ARSB: variants seen among roughly 807,000 people sequenced by gnomAD.
ARSB encodes the protein arylsulfatase B.
ARSB carries 41 observed loss-of-function variants against 50.9 expected under a neutral mutation model. That is an observed-to-expected ratio of 0.81 (90% confidence interval 0.63 to 1.04). The LOEUF (loss-of-function observed/expected upper bound fraction) is 1.04, where lower values mean the gene tolerates loss of function less well. Among genes scored for constraint, ARSB ranks in the 50% least tolerant of loss-of-function variants. ARSB has a pLI of 0.00. For missense variants in ARSB, 672 were observed against 693.3 expected (o/e 0.97, Z 0.35); for synonymous variants, 269 against 284.8 (o/e 0.94, Z 0.56).
intron 4 of ARSB, among the ~76,000 whole-genome samples, chr5:78,897,120 C>T (rs1052148184): frequency 2.0e-5 from 3 of 151,880 alleles, no homozygotes; most frequent in Non-Finnish European, 2.9e-5. Context: ...TATATTAAAA[C>T]CACGCAAAAA....
At chr5:78,816,529 G>T (rs1743999315) in intron 6 of ARSB, among the ~76,000 whole-genome samples, 1 of 152,186 alleles carries the variant, frequency 6.6e-6, no homozygotes, top group Non-Finnish European at 1.5e-5. Context: ...TTACTCCTGA[G>T]ATTATGTTAT....
At chr5:78,925,222 TCTTG>T (rs1379508195) in intron 4 of ARSB, among the ~76,000 whole-genome samples, 2 of 152,194 alleles carry the variant, frequency 1.3e-5, no homozygotes, top group Non-Finnish European at 2.9e-5. Flanking sequence ...TAAAAAGTGA[TCTTG>T]CTTAAGTCCC....
At chr5:78,935,417 G>T (rs1353609488) in intron 4 of ARSB, among the ~76,000 whole-genome samples, 1 of 152,180 alleles carries the variant, frequency 6.6e-6, no homozygotes, top group African/African-American at 2.4e-5. Context: ...ATTGAATTAG[G>T]AAATAAGCCA....
chr5:78,941,221 CA>C (rs1318976120), intron 4 of ARSB, among the ~76,000 whole-genome samples: 3 of 151,264 alleles, frequency 2.0e-5, no homozygotes, highest in Non-Finnish European at 3.0e-5. Flanking sequence ...ACAATCATGT[CA>C]TCTGCAAACA....
chr5:78,847,332 G>T (rs1359408573), intron 5 of ARSB, among the ~76,000 whole-genome samples: 1 of 152,008 alleles, frequency 6.6e-6, no homozygotes, highest in Admixed American at 6.6e-5. Flanking sequence ...TCCCTCTGCT[G>T]CCCAGGCTGG....
Position 78,904,931 on chromosome 5 carries a change from C to G in ARSB, c.899-19104G>C, listed in dbSNP as rs549004116. ...TCTTGAACTCCTAGCCTTAAGCAAT[C>G]TGCCCACCTCAGCCTCCCAAAGTGC... On this transcript the variant is annotated intron_variant, in intron 4 of 7. Coordinates refer to ENST00000264914, the MANE Select transcript of ARSB (RefSeq NM_000046.5). Among the ~76,000 whole-genome samples the G allele has an allele frequency of 3.3e-5, 5 of 152,202 alleles. No individual in the cohort carries two copies. In the South Asian group the frequency reaches 1.0e-3, roughly 32 times the overall value.
At chr5:78,850,974 C>G (rs1172472503) in intron 5 of ARSB, among the ~76,000 whole-genome samples, 1 of 152,044 alleles carries the variant, frequency 6.6e-6, no homozygotes, top group Non-Finnish European at 1.5e-5. Context: ...GTCTTGCTAG[C>G]GGTCTATCAA....
intron 6 of ARSB, among the ~76,000 whole-genome samples, chr5:78,811,376 T>C (rs1043689009): frequency 6.6e-6 from 1 of 152,200 alleles, no homozygotes; most frequent in Admixed American, 6.5e-5. Flanking sequence ...CCTAAGAACC[T>C]AAATTCCATC....
intron 5 of ARSB, among the ~76,000 whole-genome samples, chr5:78,861,175 C>T (rs1367257668): frequency 6.6e-6 from 1 of 152,134 alleles, no homozygotes; most frequent in African/African-American, 2.4e-5. Flanking sequence ...CCGAATTCTA[C>T]CAGAGGTACA....
At chr5:78,952,433 C>A (rs578011908) in intron 4 of ARSB, among the ~76,000 whole-genome samples, 3 of 152,158 alleles carry the variant, frequency 2.0e-5, no homozygotes, top group Admixed American at 2.0e-4. Context: ...ACCTCCTAGG[C>A]TCAAGCAATC....
At chr5:78,951,857 T>A (rs1327452214) in intron 4 of ARSB, among the ~76,000 whole-genome samples, 1 of 152,148 alleles carries the variant, frequency 6.6e-6, no homozygotes, top group Non-Finnish European at 1.5e-5. Flanking sequence ...TAGAAAAAGA[T>A]GGCAAAACTA....
chr5:78,907,753 C>T (rs976925540), intron 4 of ARSB, among the ~76,000 whole-genome samples: 1 of 152,112 alleles, frequency 6.6e-6, no homozygotes, highest in Non-Finnish European at 1.5e-5. Flanking sequence ...AAGCAAATAG[C>T]GGCCAAGTCC....
intron 5 of ARSB, among the ~76,000 whole-genome samples, chr5:78,860,906 A>G (rs1228199393): frequency 6.6e-6 from 1 of 152,204 alleles, no homozygotes; most frequent in Non-Finnish European, 1.5e-5. Flanking sequence ...TCAAATAGAC[A>G]CAATAAAAAA....
At chr5:78,806,635 G>A (rs374607431) in intron 6 of ARSB, among the ~76,000 whole-genome samples, 11 of 152,128 alleles carry the variant, frequency 7.2e-5, no homozygotes, top group Non-Finnish European at 1.3e-4. Flanking sequence ...GGTGGCCCAC[G>A]CACAGCACTC....
intron 5 of ARSB, among the ~76,000 whole-genome samples, chr5:78,843,816 T>C (rs1371981025): frequency 6.6e-6 from 1 of 152,234 alleles, no homozygotes; most frequent in Non-Finnish European, 1.5e-5. Flanking sequence ...ACTTGGCCTT[T>C]TGTGGCTGGC....
At chr5:78,980,822 C>T (rs1752872558) in intron 1 of ARSB, among the ~76,000 whole-genome samples, 1 of 151,276 alleles carries the variant, frequency 6.6e-6, no homozygotes, top group African/African-American at 2.4e-5. Context: ...AATGTATTTT[C>T]TATTTTAAAA....
rs561739754 is a variant in ARSB, at chr5:78,983,254, G to A, written c.312+1683C>T. On this transcript the variant is annotated intron_variant, in intron 1 of 7. Coordinates refer to ENST00000264914, the MANE Select transcript of ARSB (RefSeq NM_000046.5). ...GTTTTAGTAGAGACGGGGTTTCGCC[G>A]TGTTGGTCAGGCTGGTCTCGAACTC... Among the ~76,000 whole-genome samples the A allele has an allele frequency of 3.3e-5, 5 of 152,156 alleles. No homozygotes were observed. The South Asian group carries it at 8.3e-4, about 25-fold the overall frequency.
At chr5:78,960,658 G>C (rs7717318) in intron 3 of ARSB, among the ~76,000 whole-genome samples, 1 of 151,934 alleles carries the variant, frequency 6.6e-6, no homozygotes, top group Non-Finnish European at 1.5e-5. Context: ...TCTTCCTCCC[G>C]GGTTCAAGCG....
intron 5 of ARSB, among the ~76,000 whole-genome samples, chr5:78,872,286 T>C (rs1351521878): frequency 1.3e-5 from 2 of 151,382 alleles, no homozygotes; most frequent in African/African-American, 2.4e-5. Flanking sequence ...GAACTAGAAA[T>C]ACCATTTGAC....
Sources: gnomAD v4.1 joint callset for allele counts (sites outside exome capture counted in the v4.1 genomes callset) on GRCh38, gnomAD v4.1.1 for gene constraint, MANE v1.5 for transcripts, NCBI Gene and HGNC (gene_info 2026-07-23, HGNC 2026-07-21) for gene names.